The following INSR variants were observed in gnomAD, a reference collection of about 807,000 sequenced individuals.
INSR encodes the protein insulin receptor, also known as IR.
Under a neutral mutation model 142.6 loss-of-function variants are expected in INSR, and 67 were observed. The ratio of observed to expected loss-of-function variants is 0.47; its 90% CI spans 0.39 to 0.58. The LOEUF (loss-of-function observed/expected upper bound fraction) is 0.58, where lower values mean the gene tolerates loss of function less well. INSR is among the 20% of genes least tolerant of loss of function. The pLI is 0.00. For synonymous variants in INSR, 756 were observed against 743.1 expected, an observed-to-expected ratio of 1.02 and a Z score of -0.28; for missense variants, 1,248 against 1,833.2, an observed-to-expected ratio of 0.68 and a Z score of 5.83.
At position 7,267,498 on chromosome 19, in the gene INSR, C is replaced by A. The variant is rs938519025; in HGVS notation, c.499G>T (p.Val167Leu). The A allele has an allele frequency of 4.3e-6, 7 of 1,614,122 alleles. No homozygotes were observed. Among genetic ancestry groups the A allele is most frequent in the Admixed American group, 1.7e-5 (1 of 59,998 alleles). The change falls in exon 2 of 22, where the codon GTG becomes TTG. Residue 167 changes from valine (V) to leucine (L), a missense_variant. Val to Leu is a conservative substitution (Grantham distance 32). Around this residue, in one of 3 missense-constraint regions of INSR, gnomAD observed 1,069 missense variants for 1,654.0 expected, o/e 0.65. Transcript: ENST00000302850. This position sits in a 1 kb window ranked among gnomAD's most constrained non-coding sequence, Gnocchi z 6.3. ...TIDWSRILDS[V>L]EDNYIVLNKD... ...TTCAACACGATGTAATTATCCTCCA[C>A]GGAATCCAGGATACGGGACCAGTCG...
chr19:7,197,210 A>T (rs79275773), intron 2 of INSR, among the ~76,000 whole-genome samples: 2,372 of 152,372 alleles, frequency 0.016, 74 homozygotes, highest in African/African-American at 0.054. Context: ...CCTTTGGAAT[A>T]GAACTGCGCA....
intron 2 of INSR, among the ~76,000 whole-genome samples, chr19:7,230,937 T>C (rs1004229198): frequency 1.3e-5 from 2 of 152,104 alleles, no homozygotes; most frequent in Admixed American, 6.6e-5. Flanking sequence ...AGAGAGACTA[T>C]CTAGGGACAG....
intron 2 of INSR, among the ~76,000 whole-genome samples, chr19:7,223,480 C>G (rs1373953382): frequency 6.6e-6 from 1 of 152,118 alleles, no homozygotes; most frequent in African/African-American, 2.4e-5. Context: ...CCTGGCTAAC[C>G]AGTAGCAGGT....
chr19:7,166,344 C>A lies in INSR; in HGVS notation c.1671G>T (p.Thr557=). The part of the protein sequence containing the change: ...GQDACGSNSW[T]VVDIDPPLRS... ...TCAGGGGTGGGTCAATGTCTACCAC[C>A]GTCCAACTGTTGGAACCACACGCAT... The change falls in exon 8 of 22, where the codon ACG becomes ACT. Residue 557 remains threonine (T), a synonymous_variant. Coordinates refer to ENST00000302850, the MANE Select transcript of INSR (RefSeq NM_000208.4). This position sits in a 1 kb window ranked among gnomAD's most constrained non-coding sequence, Gnocchi z 4.1. The A allele has an allele frequency of 6.2e-7, 1 of 1,614,098 alleles. No individual in the cohort carries two copies. The highest frequency in any genetic ancestry group is 1.1e-5 in the South Asian group (1 of 91,084).
At chr19:7,270,761 T>TA (rs1051967747) in intron 1 of INSR, among the ~76,000 whole-genome samples, 19 of 140,486 alleles carry the variant, frequency 1.4e-4, no homozygotes, top group African/African-American at 4.0e-4. Flanking sequence ...TCGTCTCGAT[T>TA]AAAAAAACAC....
chr19:7,175,885 A>G (rs1398481981), intron 3 of INSR, among the ~76,000 whole-genome samples: 3 of 151,868 alleles, frequency 2.0e-5, no homozygotes, highest in African/African-American at 7.3e-5. Context: ...GGGAGGGAGG[A>G]TGCCAGATTG....
intron 2 of INSR, among the ~76,000 whole-genome samples, chr19:7,231,566 G>T (rs1975980723): frequency 6.6e-6 from 1 of 152,014 alleles, no homozygotes; most frequent in Non-Finnish European, 1.5e-5. Flanking sequence ...CTCCCATTGT[G>T]CTGGGATTAC....
At chr19:7,278,515 C>T (rs1463864900) in intron 1 of INSR, among the ~76,000 whole-genome samples, 1 of 152,174 alleles carries the variant, frequency 6.6e-6, no homozygotes, top group Non-Finnish European at 1.5e-5. Flanking sequence ...ATCATGGACC[C>T]ACCAGGGAGG....
intron 2 of INSR, among the ~76,000 whole-genome samples, chr19:7,203,847 C>T (rs1490069638): frequency 1.3e-5 from 2 of 152,230 alleles, no homozygotes; most frequent in African/African-American, 2.4e-5. Flanking sequence ...CCTGATTCTG[C>T]GGGTTCCTAA....
intron 2 of INSR, among the ~76,000 whole-genome samples, chr19:7,191,690 G>A (rs1489938578): frequency 1.3e-5 from 2 of 152,006 alleles, no homozygotes; most frequent in Non-Finnish European, 2.9e-5. Flanking sequence ...GTGTGATGGT[G>A]CACACCCGTA....
intron 11 of INSR, among the ~76,000 whole-genome samples, chr19:7,147,873 T>C (rs1267037640): frequency 6.6e-6 from 1 of 151,940 alleles, no homozygotes; most frequent in Non-Finnish European, 1.5e-5. Context: ...ACCAAAAAGA[T>C]TATAACCAAA....
rs960423239 is a variant in INSR, at chr19:7,225,142, C to G, written c.653-40505G>C. Among the ~76,000 whole-genome samples the G allele has an allele frequency of 1.3e-5, 2 of 152,102 alleles. No individual in the cohort carries two copies. Among genetic ancestry groups the G allele is most frequent in the Non-Finnish European group, 2.9e-5 (2 of 68,036 alleles). ...CCAATTATTAACCATTTATTTCCCC[C>G]AACAATCCTAGATGTTCCCATTTTA... On this transcript the variant is annotated intron_variant, in intron 2 of 21. Coordinates refer to ENST00000302850, the MANE Select transcript of INSR (RefSeq NM_000208.4). This position sits in a 1 kb window ranked among gnomAD's most constrained non-coding sequence, Gnocchi z 4.7.
intron 2 of INSR, among the ~76,000 whole-genome samples, chr19:7,263,732 A>ATCAG (rs1025101834): frequency 3.3e-5 from 5 of 152,112 alleles, no homozygotes; most frequent in Non-Finnish European, 7.4e-5. Flanking sequence ...CACTCAAAAC[A>ATCAG]TCAGGCACAG....
chr19:7,214,921 T>C (rs1975388203), intron 2 of INSR, among the ~76,000 whole-genome samples: 1 of 142,422 alleles, frequency 7.0e-6, no homozygotes, highest in African/African-American at 2.6e-5. Context: ...TTCCTTCCCC[T>C]CTCCCTCCCT....
Position 7,113,488 on chromosome 19 carries a change from A to C in INSR, c.*3568T>G, listed in dbSNP as rs1019476206. On this transcript the variant is annotated 3_prime_UTR_variant, in exon 22 of 22. Coordinates refer to ENST00000302850, the MANE Select transcript of INSR (RefSeq NM_000208.4). ...CTGAACATTTTCTGATGCGTATTTG[A>C]CATCACTGATGCAGAGAGAAAGTGA... is the stretch of plus-strand genomic sequence containing the variant. The C allele has an allele frequency of 6.6e-6, 1 of 152,176 alleles. No homozygotes were observed. Among genetic ancestry groups the C allele is most frequent in the Non-Finnish European group, 1.5e-5 (1 of 68,038 alleles). 9.4% of individuals were successfully genotyped at this position (152,176 alleles called of 1,614,324 possible).
At position 7,293,868 on chromosome 19, in the gene INSR, C is replaced by T; in HGVS notation, c.24G>A (p.Gly8=). ...CCACCAGCAGCGGCGCGGCCGCCGC[C>T]CCCCGCCGGCCCCCGGTGGCCATGG... The part of the protein sequence containing the change: MATGGRR[G]AAAAPLLVAV... Residue 8 remains glycine, a synonymous_variant, in exon 1 of 22, where the codon GGG becomes GGA. Coordinates refer to ENST00000302850, the MANE Select transcript of INSR (RefSeq NM_000208.4). 8.1e-7 allele frequency: 1 copy of T among 1,239,356 alleles called. No individual in the cohort carries two copies. The highest frequency in any genetic ancestry group is 1.0e-6 in the Non-Finnish European group (1 of 997,714). The allele number at this position is 1,239,356 out of a possible 1,614,324, so 76.8% of individuals were successfully genotyped here.
At chr19:7,191,376 GAAAA>G (rs1415802108) in intron 2 of INSR, among the ~76,000 whole-genome samples, 1 of 146,624 alleles carries the variant, frequency 6.8e-6, no homozygotes, top group Non-Finnish European at 1.5e-5. Context: ...AGGAGGGAAA[GAAAA>G]GAAAGAAAAG....
chr19:7,147,243 C>T (rs1007407169), intron 11 of INSR, among the ~76,000 whole-genome samples: 9 of 151,442 alleles, frequency 5.9e-5, no homozygotes, highest in Non-Finnish European at 1.2e-4. Flanking sequence ...GGCGTGATCT[C>T]GGCTCACTGC....
rs767746469 is a variant in INSR at position 7,267,512 on chromosome 19, C to A, written c.485G>T (p.Arg162Leu). 2 of 1,614,072 alleles carry A rather than the reference C, an allele frequency of 1.2e-6. No homozygotes were observed. The highest frequency in any genetic ancestry group is 1.7e-6 in the Non-Finnish European group (2 of 1,180,014). ...LCYLATIDWS[R>L]ILDSVEDNYI... ...ATTATCCTCCACGGAATCCAGGATA[C>A]GGGACCAGTCGATAGTGGCCAAGTA... Residue 162 changes from arginine to leucine, a missense_variant, in exon 2 of 22, where the codon CGT becomes CTT. Physicochemically the swap from Arg to Leu is moderately radical, Grantham distance 102. Coordinates refer to ENST00000302850, the MANE Select transcript of INSR (RefSeq NM_000208.4). This position sits in a 1 kb window ranked among gnomAD's most constrained non-coding sequence, Gnocchi z 6.3.
Sources: gnomAD v4.1 joint callset for allele counts (sites outside exome capture counted in the v4.1 genomes callset) on GRCh38, gnomAD v4.1.1 for gene constraint, gnomAD v4.1.1 regional missense constraint, Gnocchi (gnomAD v3.1) non-coding constraint, MANE v1.5 for transcripts, NCBI Gene and HGNC (gene_info 2026-07-23, HGNC 2026-07-21) for gene names.